PLEKHM1: variants seen among roughly 807,000 people sequenced by gnomAD.
PLEKHM1 encodes pleckstrin homology domain-containing family M member 1.
PLEKHM1 carries 28 observed loss-of-function variants against 94.3 expected under a neutral mutation model. That is an observed-to-expected ratio of 0.30 (90% CI 0.22 to 0.41). The LOEUF (loss-of-function observed/expected upper bound fraction) is 0.41. Ranked by LOEUF, PLEKHM1 falls within the 10% of genes least tolerant of loss-of-function variation. The pLI is 1.00. For missense variants in PLEKHM1, 907 were observed against 1,358.6 expected (o/e 0.67, Z 5.22); for synonymous variants, 424 against 581.2 (o/e 0.73, Z 3.89).
At chr17:45,454,956 C>A (rs1161724788) in intron 6 of PLEKHM1, 1 of 160,968 alleles carries the variant, frequency 6.2e-6, no homozygotes, top group Non-Finnish European at 1.4e-5. Flanking sequence ...CGGTGAAACC[C>A]CGTCTCTACT....
At position 45,453,782 on chromosome 17, in the gene PLEKHM1, C is replaced by T. The variant is rs1456238082; in HGVS notation, c.2070G>A (p.Leu690=). Residue 690 remains leucine (L), a synonymous_variant, in exon 7 of 12, where the codon CTG becomes CTA. Coordinates refer to ENST00000430334, the MANE Select transcript of PLEKHM1 (RefSeq NM_014798.3). The surrounding 1 kb of genome is among the most constrained non-coding windows in gnomAD (Gnocchi z 4.1). ...PEPDAIKESL[L]YLYMDRTWMP... ...TCCAGGTCCTGTCCATGTACAAGTACAGCAGGGACTCCTTGATGGCATCTG... is the reference window on the plus strand; with the variant it reads ...TCCAGGTCCTGTCCATGTACAAGTATAGCAGGGACTCCTTGATGGCATCTG... 3.7e-6 allele frequency: 6 copies of T among 1,613,886 alleles called. No homozygotes were observed. Among genetic ancestry groups the T allele is most frequent in the Non-Finnish European group, 5.1e-6 (6 of 1,179,878 alleles).
At chr17:45,486,770 C>T (rs984423072) in intron 1 of PLEKHM1, among the ~76,000 whole-genome samples, 1 of 152,084 alleles carries the variant, frequency 6.6e-6, no homozygotes, top group African/African-American at 2.4e-5. Context: ...TGCAGGACAC[C>T]TCTGTTTGTA....
chr17:45,467,944 A>G (rs2051369106), intron 5 of PLEKHM1, among the ~76,000 whole-genome samples: 1 of 152,196 alleles, frequency 6.6e-6, no homozygotes, highest in African/African-American at 2.4e-5. Flanking sequence ...CGTGAAAATG[A>G]CAGGAGATAC....
At chr17:45,476,306 A>G (rs2051735874) in intron 3 of PLEKHM1, among the ~76,000 whole-genome samples, 1 of 151,714 alleles carries the variant, frequency 6.6e-6, no homozygotes, top group Non-Finnish European at 1.5e-5. Context: ...GCATGCTGTC[A>G]GAGCTCCTTA....
chr17:45,458,859 A>G (rs1053592074), intron 5 of PLEKHM1, among the ~76,000 whole-genome samples: 5 of 149,586 alleles, frequency 3.3e-5, no homozygotes, highest in African/African-American at 1.2e-4. Context: ...TCGGCCAGCC[A>G]TGGTGGCTCA....
chr17:45,484,783 G>C (rs1304780150), intron 1 of PLEKHM1, among the ~76,000 whole-genome samples: 3 of 152,216 alleles, frequency 2.0e-5, no homozygotes, highest in East Asian at 3.9e-4. Flanking sequence ...CCGGGAACAG[G>C]GGGTGCAGGG....
chr17:45,447,041 C>T (rs974160623), intron 8 of PLEKHM1, among the ~76,000 whole-genome samples: 3 of 152,158 alleles, frequency 2.0e-5, no homozygotes, highest in African/African-American at 7.2e-5. Flanking sequence ...ATTTTGAATT[C>T]AGATTAAAAG....
rs1349206943 is a variant in PLEKHM1, at chr17:45,454,045, G to C, written c.1807C>G (p.Leu603Val). ...RFELVFSGKK[L>V]ALRASSQDEA... Reference sequence around the variant, plus strand: ...TCCTGGGAGGAGGCGCGCAGGGCCAGCTTCTTGCCAGAGAAGACCAGCTCA... The same window carrying C: ...TCCTGGGAGGAGGCGCGCAGGGCCACCTTCTTGCCAGAGAAGACCAGCTCA... The change falls in exon 7 of 12, where the codon CTG becomes GTG. Residue 603 changes from leucine to valine, a missense_variant. Physicochemically the swap from Leu to Val is conservative, Grantham distance 32. Coordinates refer to ENST00000430334, the MANE Select transcript of PLEKHM1 (RefSeq NM_014798.3). 1.2e-6 allele frequency: 2 copies of C among 1,614,184 alleles called. No homozygotes were observed. Among genetic ancestry groups the C allele is most frequent in the Admixed American group, 1.7e-5 (1 of 60,034 alleles).
chr17:45,471,818 A>G (rs2051523598), intron 4 of PLEKHM1, among the ~76,000 whole-genome samples: 1 of 152,182 alleles, frequency 6.6e-6, no homozygotes, highest in African/African-American at 2.4e-5. Context: ...AGCACTATTG[A>G]TGCCTCTGTG....
intron 4 of PLEKHM1, among the ~76,000 whole-genome samples, chr17:45,470,370 T>C (rs1269634650): frequency 1.3e-5 from 2 of 152,224 alleles, no homozygotes; most frequent in African/African-American, 4.8e-5. Flanking sequence ...AAAAAATAAA[T>C]TGTAATCCCA....
intron 4 of PLEKHM1, among the ~76,000 whole-genome samples, chr17:45,473,615 G>A (rs2051593293): frequency 6.6e-6 from 1 of 151,584 alleles, no homozygotes; most frequent in African/African-American, 2.4e-5. Flanking sequence ...CTGGAGTGCA[G>A]TGGCACGATC....
At position 45,453,775 on chromosome 17, in the gene PLEKHM1, A is replaced by G; in HGVS notation, c.2077T>C (p.Tyr693His). The G allele has an allele frequency of 1.9e-6, 3 of 1,613,970 alleles. No homozygotes were observed. Among genetic ancestry groups the G allele is most frequent in the Middle Eastern group, 1.7e-4 (1 of 6,056 alleles). The change falls in exon 7 of 12, where the codon TAC becomes CAC. Residue 693 changes from tyrosine (Y) to histidine (H), a missense_variant. By Grantham distance (83) the Tyr-to-His change is moderately conservative. Around this residue, in one of 3 missense-constraint regions of PLEKHM1, gnomAD observed 477 missense variants for 601.5 expected, o/e 0.79. Transcript: ENST00000430334. The surrounding 1 kb of genome is among the most constrained non-coding windows in gnomAD (Gnocchi z 4.1). ...DAIKESLLYL[Y>H]MDRTWMPYIF... Reference sequence around the variant, plus strand: ...TAGGGCATCCAGGTCCTGTCCATGTACAAGTACAGCAGGGACTCCTTGATG... The same window carrying G: ...TAGGGCATCCAGGTCCTGTCCATGTGCAAGTACAGCAGGGACTCCTTGATG...
At chr17:45,439,162 T>C (rs1446075794) in intron 11 of PLEKHM1, among the ~76,000 whole-genome samples, 2 of 152,200 alleles carry the variant, frequency 1.3e-5, no homozygotes, top group Non-Finnish European at 2.9e-5. Context: ...CCTCAACCCA[T>C]GCATACACTG....
At chr17:45,490,289 G>A (rs2052271275) in intron 1 of PLEKHM1, among the ~76,000 whole-genome samples, 2 of 152,118 alleles carry the variant, frequency 1.3e-5, no homozygotes, top group Admixed American at 1.3e-4. Context: ...CAGAGGGGTG[G>A]GGAGAGAGGA....
intron 4 of PLEKHM1, among the ~76,000 whole-genome samples, chr17:45,471,999 T>G (rs1260441839): frequency 6.6e-6 from 1 of 152,238 alleles, no homozygotes; most frequent in Non-Finnish European, 1.5e-5. Flanking sequence ...AACCGCTTTA[T>G]ATTAATAAAT....
chr17:45,478,661 G>C (rs938160411), intron 2 of PLEKHM1, among the ~76,000 whole-genome samples: 11 of 152,176 alleles, frequency 7.2e-5, no homozygotes, highest in African/African-American at 2.4e-4. Flanking sequence ...CAGGAGCATG[G>C]TTTACTTTAA....
At chr17:45,466,497 C>G (rs1186647856) in intron 5 of PLEKHM1, among the ~76,000 whole-genome samples, 1 of 152,180 alleles carries the variant, frequency 6.6e-6, no homozygotes, top group Admixed American at 6.5e-5. Context: ...GATAAATATA[C>G]TATTTTTGTC....
At chr17:45,463,361 G>A (rs1182885514) in intron 5 of PLEKHM1, among the ~76,000 whole-genome samples, 3 of 152,164 alleles carry the variant, frequency 2.0e-5, no homozygotes, top group Non-Finnish European at 4.4e-5. Context: ...GTGAGAGAGA[G>A]TGCATGCATG....
chr17:45,474,162 T>A (rs950137614), intron 4 of PLEKHM1, among the ~76,000 whole-genome samples: 2 of 151,776 alleles, frequency 1.3e-5, no homozygotes, highest in Non-Finnish European at 2.9e-5. Context: ...GTTCATGCCA[T>A]TCTCCTGCCT....
Sources: gnomAD v4.1 joint callset for allele counts (sites outside exome capture counted in the v4.1 genomes callset) on GRCh38, gnomAD v4.1.1 for gene constraint, gnomAD v4.1.1 regional missense constraint, Gnocchi (gnomAD v3.1) non-coding constraint, MANE v1.5 for transcripts, NCBI Gene and HGNC (gene_info 2026-07-23, HGNC 2026-07-21) for gene names.